Variants in NCOR2 observed in about 807,000 individuals in gnomAD.
The protein encoded by NCOR2 is CTG repeat protein 26.
A neutral mutation model predicts 262.9 loss-of-function variants in NCOR2; 81 were observed. The observed-to-expected ratio is 0.31, with a 90% CI of 0.26 to 0.37. NCOR2 has a LOEUF of 0.37. Ranked by LOEUF, NCOR2 falls within the 10% of genes least tolerant of loss-of-function variation. The pLI is 1.00. For synonymous variants in NCOR2, 1,659 were observed against 1,559.3 expected, an observed-to-expected ratio of 1.06 and a Z score of -1.51; for missense variants, 3,385 against 3,621.4, an observed-to-expected ratio of 0.93 and a Z score of 1.68.
chr12:124,518,817 C>T (rs2049995114), intron 1 of NCOR2, among the ~76,000 whole-genome samples: 1 of 152,192 alleles, frequency 6.6e-6, no homozygotes, highest in South Asian at 2.1e-4. Context: ...TCCTCCCAGC[C>T]CGGACTGTCC....
intron 16 of NCOR2, among the ~76,000 whole-genome samples, chr12:124,396,348 A>G (rs1452110803): frequency 6.6e-6 from 1 of 152,182 alleles, no homozygotes; most frequent in African/African-American, 2.4e-5. Flanking sequence ...TGCCATGTGT[A>G]TCATCTCAAA....
chr12:124,384,006 T>G (rs1593305030), intron 17 of NCOR2, among the ~76,000 whole-genome samples: 4 of 129,090 alleles, frequency 3.1e-5, no homozygotes, highest in African/African-American at 8.9e-5. Context: ...GGTCGTGGGG[T>G]GAGGGGGACA....
Position 124,528,970 on chromosome 12 carries a change from G to A in NCOR2, c.-118+6595C>T, listed in dbSNP as rs1321043041. On this transcript the variant is annotated intron_variant, in intron 1 of 46. Coordinates refer to the NCOR2 transcript ENST00000404621. ...CGAGGCGGGCAGATCACCTGAGGTC[G>A]GGAATTCGAGACCAGCCTGGCCAAC... Among the ~76,000 whole-genome samples the A allele has an allele frequency of 3.9e-5, 6 of 152,202 alleles. No homozygotes were observed. In the South Asian group the frequency reaches 6.2e-4, roughly 16 times the overall value.
intron 1 of NCOR2, among the ~76,000 whole-genome samples, chr12:124,528,236 T>A (rs1394432017): frequency 1.3e-5 from 2 of 152,178 alleles, no homozygotes; most frequent in African/African-American, 2.4e-5. Flanking sequence ...AGGAGACACA[T>A]GTCAGAGCCG....
At chr12:124,365,062 C>G (rs575561055) in intron 20 of NCOR2, among the ~76,000 whole-genome samples, 3 of 151,928 alleles carry the variant, frequency 2.0e-5, no homozygotes, top group Non-Finnish European at 2.9e-5. Flanking sequence ...TGGAGATGGC[C>G]CGGCCTACGT....
intron 5 of NCOR2, among the ~76,000 whole-genome samples, chr12:124,465,716 G>A (rs755579089): frequency 2.6e-5 from 4 of 152,186 alleles, no homozygotes; most frequent in Non-Finnish European, 5.9e-5. Flanking sequence ...CTGGGCCTTA[G>A]GAAAATGGAA....
At chr12:124,466,971 A>C (rs2046448131) in intron 4 of NCOR2, among the ~76,000 whole-genome samples, 12 of 139,122 alleles carry the variant, frequency 8.6e-5, no homozygotes, top group East Asian at 2.3e-4. Flanking sequence ...CATCCTCATC[A>C]CCCCCATCAT....
Position 124,430,722 on chromosome 12 carries a change from G to A in NCOR2, c.948C>T (p.Ile316=), listed in dbSNP as rs370864739. 87 of 1,614,012 alleles carry A rather than the reference G, an allele frequency of 5.4e-5. No homozygotes were observed. Among genetic ancestry groups the A allele is most frequent in the Admixed American group, 3.7e-4 (22 of 59,992 alleles). Reference sequence around the variant, plus strand: ...TGGCCCGCCGCCGGGGGTTGTTCTCGATGCGCTCCACCTTCTTCTCCCAGG... The same window carrying A: ...TGGCCCGCCGCCGGGGGTTGTTCTCAATGCGCTCCACCTTCTTCTCCCAGG... Residue 316 remains isoleucine, a synonymous_variant, in exon 9 of 47, where the codon ATC becomes ATT. Coordinates refer to ENST00000405201, the Ensembl canonical transcript of NCOR2.
chr12:124,348,402 G>T (rs1593158524), intron 28 of NCOR2, 88 bp from the exon 31 acceptor site: 20 of 1,481,836 alleles, frequency 1.3e-5, no homozygotes, highest in Non-Finnish European at 1.8e-5. Context: ...CCGGTAGGCA[G>T]GAGCCAGCAG....
intron 20 of NCOR2, among the ~76,000 whole-genome samples, chr12:124,364,955 G>C (rs1479547390): frequency 6.6e-6 from 1 of 151,564 alleles, no homozygotes; most frequent in Non-Finnish European, 1.5e-5. Context: ...GACCGTGTTT[G>C]CGGGTATGGA....
chr12:124,437,783 G>A, intron 8 of NCOR2, 147 bp downstream of exon 10: 1 of 553,644 alleles, frequency 1.8e-6, no homozygotes, highest in Non-Finnish European at 3.0e-6. Flanking sequence ...TCCTTTCCTG[G>A]CCGGCCTTGG....
chr12:124,486,230 A>T, intron 2 of NCOR2: 1 of 616,950 alleles, frequency 1.6e-6, no homozygotes, highest in South Asian at 2.2e-5. Flanking sequence ...CTGAAGTTCC[A>T]CGCTGGAAGT....
intron 1 of NCOR2, among the ~76,000 whole-genome samples, chr12:124,518,752 G>A (rs938077320): frequency 2.0e-5 from 3 of 152,190 alleles, no homozygotes; most frequent in Middle Eastern, 3.2e-3. Context: ...TCGGCTCTTC[G>A]CTCGCTGGCA....
At chr12:124,376,825 A>G (rs1443969856) in intron 18 of NCOR2, among the ~76,000 whole-genome samples, 2 of 152,232 alleles carry the variant, frequency 1.3e-5, no homozygotes, top group African/African-American at 4.8e-5. Context: ...AACAACAAGA[A>G]GGACCCCAGA....
chr12:124,486,505 A>C (rs1406504059), exon 2 of NCOR2: 1 of 1,609,110 alleles, frequency 6.2e-7, no homozygotes, highest in Non-Finnish European at 8.5e-7. Flanking sequence ...TGGATGATGG[A>C]GCCGGGCGAC....
exon 44 of NCOR2, chr12:124,330,850 C>A: frequency 6.3e-7 from 1 of 1,577,840 alleles, no homozygotes; most frequent in South Asian, 1.2e-5. Context: ...GTTACCTGTT[C>A]CGGTGATGGC....
intron 1 of NCOR2, among the ~76,000 whole-genome samples, chr12:124,521,595 G>A (rs1284178704): frequency 6.6e-6 from 1 of 152,194 alleles, no homozygotes; most frequent in East Asian, 1.9e-4. Flanking sequence ...GCTGCCAGGG[G>A]CTGCGGGAGG....
At chr12:124,412,889 G>A (rs554226976) in intron 13 of NCOR2, among the ~76,000 whole-genome samples, 1 of 152,208 alleles carries the variant, frequency 6.6e-6, no homozygotes. Flanking sequence ...ACTGGGACAC[G>A]TCCCCTCACA....
intron 6 of NCOR2, among the ~76,000 whole-genome samples, chr12:124,452,630 C>A (rs996586948): frequency 6.6e-6 from 1 of 152,264 alleles, no homozygotes; most frequent in African/African-American, 2.4e-5. Flanking sequence ...TGGAAGCCCA[C>A]AGCACGCAGC....
Sources: allele counts gnomAD v4.1 joint callset (sites outside exome capture counted in the v4.1 genomes callset), GRCh38; gene constraint gnomAD v4.1.1; transcripts MANE v1.5; gene names NCBI Gene and HGNC (gene_info 2026-07-23, HGNC 2026-07-21).